The following FBXO25 variants were observed in gnomAD, a reference collection of about 807,000 sequenced individuals.
The protein encoded by FBXO25 is F-box protein 25, also known as F-box only protein 25.
Under a neutral mutation model 51.9 loss-of-function variants are expected in FBXO25, and 45 were observed. The observed-to-expected ratio is 0.87, with a 90% CI of 0.68 to 1.11. The LOEUF (loss-of-function observed/expected upper bound fraction) is 1.11. Ranked by LOEUF, FBXO25 falls within the 50% of genes most tolerant of loss-of-function variation. The pLI is 0.00. For synonymous variants in FBXO25, 199 were observed against 151.0 expected (o/e 1.32, Z -2.33); for missense variants, 507 against 428.5 (o/e 1.18, Z -1.62).
chr8:467,983 A>C, intron 9 of FBXO25: 4 of 1,375,838 alleles, frequency 2.9e-6, no homozygotes, highest in Non-Finnish European at 3.8e-6. Context: ...AGGCTGCTAG[A>C]TGTGCGCATA....
At chr8:454,285 A>G (rs1799276558) in intron 7 of FBXO25, among the ~76,000 whole-genome samples, 1 of 152,254 alleles carries the variant, frequency 6.6e-6, no homozygotes, top group Non-Finnish European at 1.5e-5. Context: ...ATTTGAAGAT[A>G]TGGCAGTGCT....
At chr8:422,224 A>C (rs1340116541) in intron 2 of FBXO25, among the ~76,000 whole-genome samples, 2 of 152,222 alleles carry the variant, frequency 1.3e-5, no homozygotes, top group African/African-American at 2.4e-5. Flanking sequence ...CACTGCCCCA[A>C]CCAAGAACTC....
chr8:434,737 T>G (rs1298555464), intron 4 of FBXO25, among the ~76,000 whole-genome samples: 1 of 152,194 alleles, frequency 6.6e-6, no homozygotes, highest in African/African-American at 2.4e-5. Flanking sequence ...ATTTCAAATA[T>G]GGAGGATGAA....
rs560134252 is a variant in FBXO25, at chr8:470,774, GT to G, written c.*1974del. ...AGGTATTTCTTTTTCTGTTGGTGCT[GT>G]TTTAATAAGTGAAGAATTTGATGTA... On this transcript the variant is annotated 3_prime_UTR_variant, in exon 10 of 10. Coordinates refer to ENST00000350302, the MANE Select transcript of FBXO25 (RefSeq NM_183420.2). The G allele has an allele frequency of 9.2e-5, 14 of 152,186 alleles. No individual in the cohort carries two copies. The highest frequency in any genetic ancestry group is 5.9e-5 in the Non-Finnish European group (4 of 68,040). The allele number at this position is 152,186 out of a possible 1,614,324, so 9.4% of individuals were successfully genotyped here. A position where few individuals can be genotyped will look rare whatever the true frequency, so the allele number is the denominator to read the frequency against.
At chr8:424,924 C>T (rs550853711) in intron 2 of FBXO25, among the ~76,000 whole-genome samples, 10 of 151,912 alleles carry the variant, frequency 6.6e-5, no homozygotes, top group Admixed American at 4.6e-4. Context: ...TTGTTTAGCT[C>T]TAAGAAAAAA....
intron 9 of FBXO25, chr8:467,605 A>G: frequency 9.5e-7 from 1 of 1,050,962 alleles, no homozygotes; most frequent in South Asian, 1.4e-5. Context: ...TTCGTAAATA[A>G]TATGAATCAA....
intron 8 of FBXO25, 125 bp from the exon 9 acceptor site, chr8:462,882 C>A: frequency 1.8e-6 from 2 of 1,126,028 alleles, no homozygotes; most frequent in Non-Finnish European, 2.5e-6. Context: ...CCACTTGTAA[C>A]CCTAAAGCTA....
At chr8:451,207 G>T in intron 6 of FBXO25, 62 bp from the exon 7 acceptor site, 1 of 1,443,050 alleles carries the variant, frequency 6.9e-7, no homozygotes, top group Non-Finnish European at 9.4e-7. Flanking sequence ...TATGAAACTA[G>T]ATCTTTTTTT....
rs1166768738 is a variant in FBXO25, at chr8:443,467, A to G, written c.382-6523A>G. Among the ~76,000 whole-genome samples the G allele has an allele frequency of 2.0e-5, 3 of 151,872 alleles. No individual in the cohort carries two copies. The East Asian group carries it at 5.8e-4, about 29-fold the overall frequency. ...ACAGTTTAGTTTCAGATAAAAAAGC[A>G]GACGTTCTTTCTGCCAGTGCTAGAA... On this transcript the variant is annotated intron_variant, in intron 5 of 9. Coordinates refer to ENST00000350302, the MANE Select transcript of FBXO25 (RefSeq NM_183420.2).
intron 9 of FBXO25, chr8:468,321 T>C: frequency 1.0e-6 from 1 of 1,002,044 alleles, no homozygotes; most frequent in Non-Finnish European, 1.2e-6. Context: ...TGTAACAAAG[T>C]GAGCCAGGAA....
At chr8:464,219 G>A (rs975479063) in intron 9 of FBXO25, among the ~76,000 whole-genome samples, 1 of 152,188 alleles carries the variant, frequency 6.6e-6, no homozygotes, top group Non-Finnish European at 1.5e-5. Flanking sequence ...GCTTTCCAAA[G>A]TGCTGGGATT....
In FBXO25 at chr8:475,261, G is replaced by A. The variant is rs1800608766; in HGVS notation, c.*6457G>A. 1 of 228,882 alleles carries A rather than the reference G, an allele frequency of 4.4e-6. No individual in the cohort carries two copies. Among genetic ancestry groups the A allele is most frequent in the African/African-American group, 2.4e-5 (1 of 42,442 alleles). 14.2% of individuals were successfully genotyped at this position (228,882 alleles called of 1,614,324 possible). On this transcript the variant is annotated 3_prime_UTR_variant, in exon 10 of 10. Coordinates refer to ENST00000350302, the MANE Select transcript of FBXO25 (RefSeq NM_183420.2). ...AAATCATTTGACCCATATGTGCAAGGGTTTATTTGGGGATTTGCTATTCTG... is the reference window on the plus strand; with the variant it reads ...AAATCATTTGACCCATATGTGCAAGAGTTTATTTGGGGATTTGCTATTCTG...
At position 469,968 on chromosome 8, in the gene FBXO25, T is replaced by C. The variant is rs1247929097; in HGVS notation, c.*1164T>C. 1 of 152,186 alleles carries C rather than the reference T, an allele frequency of 6.6e-6. No homozygotes were observed. Among genetic ancestry groups the C allele is most frequent in the Non-Finnish European group, 1.5e-5 (1 of 68,032 alleles). The allele number at this position is 152,186 out of a possible 1,614,324, so 9.4% of individuals were successfully genotyped here. A position where few individuals can be genotyped will look rare whatever the true frequency, so the allele number is the denominator to read the frequency against. ...TGCATTTATTTGTCAAATTATAGTT[T>C]CTCCTGAGGCGATGCAAATACCTGG... On this transcript the variant is annotated 3_prime_UTR_variant, in exon 10 of 10. Transcript: ENST00000350302.
intron 5 of FBXO25, among the ~76,000 whole-genome samples, chr8:439,943 A>G (rs1231934662): frequency 6.6e-6 from 1 of 152,126 alleles, no homozygotes; most frequent in Non-Finnish European, 1.5e-5. Flanking sequence ...ATCTCAGGCT[A>G]GAATCTCTGG....
At chr8:464,755 A>T (rs1005505678) in intron 9 of FBXO25, among the ~76,000 whole-genome samples, 1 of 152,154 alleles carries the variant, frequency 6.6e-6, no homozygotes, top group African/African-American at 2.4e-5. Context: ...TATTATTTTA[A>T]TAGTTTTATT....
intron 2 of FBXO25, among the ~76,000 whole-genome samples, chr8:427,377 T>C (rs967115954): frequency 1.3e-5 from 2 of 150,644 alleles, no homozygotes; most frequent in African/African-American, 4.9e-5. Flanking sequence ...AGTCTGCATG[T>C]TATATGACCT....
intron 2 of FBXO25, among the ~76,000 whole-genome samples, chr8:424,613 A>G (rs548896130): frequency 2.6e-4 from 39 of 152,302 alleles, no homozygotes; most frequent in African/African-American, 8.7e-4. Flanking sequence ...CATATATTGA[A>G]TAGGATGGTC....
chr8:415,250 C>T (rs909612311), intron 2 of FBXO25, among the ~76,000 whole-genome samples: 5 of 152,076 alleles, frequency 3.3e-5, no homozygotes, highest in Admixed American at 6.5e-5. Context: ...TTTTTGTGAA[C>T]GTGCGTGAAA....
intron 5 of FBXO25, among the ~76,000 whole-genome samples, chr8:447,552 T>C (rs1798818712): frequency 1.3e-5 from 2 of 152,136 alleles, no homozygotes; most frequent in African/African-American, 4.8e-5. Flanking sequence ...AAAAGAGATT[T>C]TAATGAGGTT....
Sources: allele counts gnomAD v4.1 joint callset (sites outside exome capture counted in the v4.1 genomes callset), GRCh38; gene constraint gnomAD v4.1.1; transcripts MANE v1.5; gene names NCBI Gene and HGNC (gene_info 2026-07-23, HGNC 2026-07-21).